TGFA: variants seen among roughly 807,000 people sequenced by gnomAD.
TGFA encodes protransforming growth factor alpha.
A neutral mutation model predicts 21.7 loss-of-function variants in TGFA; 12 were observed. The ratio of observed to expected loss-of-function variants is 0.55; its 90% CI spans 0.35 to 0.90. The LOEUF (loss-of-function observed/expected upper bound fraction) is 0.90, where lower values mean the gene tolerates loss of function less well. TGFA is among the 40% of genes least tolerant of loss of function. The probability of loss-of-function intolerance (pLI) is 0.01; values close to 1 mark genes in which losing one functional copy is unlikely to be tolerated. For missense variants in TGFA, 178 were observed against 210.8 expected (o/e 0.84, Z 0.96); for synonymous variants, 79 against 88.1 (o/e 0.90, Z 0.58).
At chr2:70,453,374 G>T in intron 4 of TGFA, 47 bp from the exon 5 acceptor site, 3 of 1,565,770 alleles carry the variant, frequency 1.9e-6, no homozygotes, top group South Asian at 1.1e-5. Context: ...CTGGTAGGAG[G>T]GCCAGGGTGG....
At chr2:70,453,197 A>G in intron 5 of TGFA, 21 bp downstream of exon 5, 2 of 1,605,474 alleles carry the variant, frequency 1.2e-6, no homozygotes, top group Non-Finnish European at 1.7e-6. Flanking sequence ...AGTGTCTCCC[A>G]CCAGAGAAGA....
At chr2:70,467,186 T>C (rs1670592630) in intron 2 of TGFA, among the ~76,000 whole-genome samples, 1 of 152,122 alleles carries the variant, frequency 6.6e-6, no homozygotes, top group African/African-American at 2.4e-5. Flanking sequence ...ACATGTACCC[T>C]GGAACTTAAA....
chr2:70,505,421 G>C (rs1553499999), intron 2 of TGFA, among the ~76,000 whole-genome samples: 1 of 152,138 alleles, frequency 6.6e-6, no homozygotes, highest in African/African-American at 2.4e-5. Flanking sequence ...CAGGATATCA[G>C]ATATAGAGGC....
intron 1 of TGFA, among the ~76,000 whole-genome samples, chr2:70,537,014 C>G (rs1370803769): frequency 1.8e-5 from 2 of 112,166 alleles, no homozygotes; most frequent in African/African-American, 6.5e-5. Context: ...TTTTTTTTTA[C>G]AAATTTAAAG....
chr2:70,493,840 T>C (rs1553497998), intron 2 of TGFA, among the ~76,000 whole-genome samples: 1 of 152,186 alleles, frequency 6.6e-6, no homozygotes, highest in Non-Finnish European at 1.5e-5. Context: ...CCTCTGAACT[T>C]CCCACTCAGG....
chr2:70,504,433 AATAT>A (rs200901290), intron 2 of TGFA, among the ~76,000 whole-genome samples: 17,465 of 62,574 alleles, frequency 0.28, 2,821 homozygotes, highest in East Asian at 0.45. Context: ...AAACAAAACA[AATAT>A]ATATATATAT....
chr2:70,511,890 T>TAC (rs36084203), intron 2 of TGFA, among the ~76,000 whole-genome samples: 14,882 of 142,892 alleles, frequency 0.1, 755 homozygotes, highest in East Asian at 0.16. Context: ...TAGTCATGAA[T>TAC]ACACACACAC....
In TGFA at chr2:70,552,548, G is replaced by T. The variant is rs11466194; in HGVS notation, c.40+1180C>A. ...TACCTGCTGGTGAGTTTCAGGTAAG[G>T]GTGTAGCTGGGAGCATCCGGTTCCA... On this transcript the variant is annotated intron_variant, in intron 1 of 5. Coordinates refer to ENST00000295400, the MANE Select transcript of TGFA (RefSeq NM_003236.4). Among the ~76,000 whole-genome samples, 1,418 of 152,282 alleles carry T rather than the reference G, an allele frequency of 9.3e-3. 20 individuals are homozygous for T. The highest frequency in any genetic ancestry group is 0.032 in the African/African-American group (1,330 of 41,536).
At chr2:70,469,320 A>G (rs186308118) in intron 2 of TGFA, among the ~76,000 whole-genome samples, 90 of 152,186 alleles carry the variant, frequency 5.9e-4, no homozygotes, top group African/African-American at 2.0e-3. Flanking sequence ...CAGGTAATTA[A>G]TTAATTAATT....
At chr2:70,458,980 T>C (rs951692716) in intron 3 of TGFA, among the ~76,000 whole-genome samples, 2 of 152,206 alleles carry the variant, frequency 1.3e-5, no homozygotes, top group African/African-American at 4.8e-5. Flanking sequence ...GACAAGCCAA[T>C]GAGACTTCTA....
chr2:70,542,378 T>A (rs1217657225), intron 1 of TGFA, among the ~76,000 whole-genome samples: 1 of 152,116 alleles, frequency 6.6e-6, no homozygotes, highest in Non-Finnish European at 1.5e-5. Flanking sequence ...AGTAAAGGTA[T>A]ATCTATCCTC....
intron 3 of TGFA, among the ~76,000 whole-genome samples, chr2:70,462,081 T>C (rs1553491533): frequency 6.6e-6 from 1 of 152,162 alleles, no homozygotes; most frequent in African/African-American, 2.4e-5. Flanking sequence ...GTTTGCTTGA[T>C]GAGGCCATGA....
At chr2:70,453,976 C>T (rs551925539) in intron 4 of TGFA, among the ~76,000 whole-genome samples, 2 of 150,342 alleles carry the variant, frequency 1.3e-5, no homozygotes, top group African/African-American at 4.9e-5. Context: ...CCTCTGTGGG[C>T]AGGAATGGAG....
At chr2:70,466,195 C>G (rs1670555080) in intron 2 of TGFA, among the ~76,000 whole-genome samples, 1 of 152,180 alleles carries the variant, frequency 6.6e-6, no homozygotes, top group South Asian at 2.1e-4. Context: ...TTATGATATA[C>G]AGTAAGTTAA....
chr2:70,458,433 C>T (rs1292007616), intron 3 of TGFA, among the ~76,000 whole-genome samples: 1 of 152,102 alleles, frequency 6.6e-6, no homozygotes, highest in Non-Finnish European at 1.5e-5. Flanking sequence ...CCCTAATCCA[C>T]CCCTGTACTT....
intron 1 of TGFA, among the ~76,000 whole-genome samples, chr2:70,519,465 C>T (rs781212094): frequency 3.9e-5 from 6 of 152,112 alleles, no homozygotes; most frequent in Non-Finnish European, 7.3e-5. Flanking sequence ...ATTTTTAAAT[C>T]CAAGAGGTTG....
intron 2 of TGFA, among the ~76,000 whole-genome samples, chr2:70,504,648 C>T (rs1208729130): frequency 6.6e-6 from 1 of 151,458 alleles, no homozygotes; most frequent in Admixed American, 6.6e-5. Context: ...ACACACATAC[C>T]TGGCTTTAAG....
intron 4 of TGFA, 92 bp downstream of exon 4, chr2:70,456,247 G>T: frequency 7.0e-7 from 1 of 1,437,304 alleles, no homozygotes; most frequent in Non-Finnish European, 9.4e-7. Flanking sequence ...AATAAGCTGT[G>T]CTGAGGTGGC....
chr2:70,457,404 C>G (rs1015883602), intron 3 of TGFA, among the ~76,000 whole-genome samples: 9 of 152,208 alleles, frequency 5.9e-5, no homozygotes, highest in African/African-American at 2.2e-4. Flanking sequence ...ACTAATCCCC[C>G]AAGCATGTGA....
Sources: allele counts gnomAD v4.1 joint callset (sites outside exome capture counted in the v4.1 genomes callset), GRCh38; gene constraint gnomAD v4.1.1; transcripts MANE v1.5; gene names NCBI Gene and HGNC (gene_info 2026-07-23, HGNC 2026-07-21).